NIPA1: variants seen among roughly 807,000 people sequenced by gnomAD.
NIPA1 encodes the protein magnesium transporter NIPA1.
NIPA1 carries 13 observed loss-of-function variants against 23.9 expected under a neutral mutation model. The observed-to-expected ratio is 0.54, with a 90% CI of 0.35 to 0.87. The LOEUF is 0.87. Ranked by LOEUF, NIPA1 falls within the 40% of genes least tolerant of loss-of-function variation. The pLI is 0.01. For missense variants in NIPA1, 362 were observed against 429.7 expected, an observed-to-expected ratio of 0.84 and a Z score of 1.39; for synonymous variants, 234 against 202.9, an observed-to-expected ratio of 1.15 and a Z score of -1.30.
At chr15:22,806,821 A>C (rs1310523501) in intron 1 of NIPA1, among the ~76,000 whole-genome samples, 1 of 152,172 alleles carries the variant, frequency 6.6e-6, no homozygotes, top group African/African-American at 2.4e-5. Flanking sequence ...AAAATGGAGC[A>C]GCCAACTCAG....
intron 3 of NIPA1, among the ~76,000 whole-genome samples, chr15:22,815,217 C>T (rs985885701): frequency 1.3e-5 from 2 of 152,168 alleles, no homozygotes; most frequent in African/African-American, 4.8e-5. Flanking sequence ...AACCACAGTA[C>T]AGTGATCAAT....
rs1024172289 is a variant in NIPA1 at position 22,826,098 on chromosome 15, G to A, written c.*1859G>A. On this transcript the variant is annotated 3_prime_UTR_variant, in exon 5 of 5. Coordinates refer to ENST00000337435, the MANE Select transcript of NIPA1 (RefSeq NM_144599.5). ...GTAAGAAAAAAAATGTGTTTTTGTA[G>A]GCAAAAAGAACATTTCTAAAGTCTC... 6.6e-6 allele frequency: 1 copy of A among 151,984 alleles called. No individual in the cohort carries two copies. The highest frequency in any genetic ancestry group is 2.4e-5 in the African/African-American group (1 of 41,384). 9.4% of individuals were successfully genotyped at this position (151,984 alleles called of 1,614,324 possible).
rs59940862 is a variant in NIPA1 at position 22,820,627 on chromosome 15, C to T, written c.478+154C>T. The stretch of plus-strand genomic sequence containing the variant: ...TAGATCTGTGTTCTCTGGGAACGTG[C>T]ATCAGTGGGCTGTGCTCGCAGGCTA... On this transcript the variant is annotated intron_variant, in intron 4 of 4. Transcript: ENST00000337435. Among the ~76,000 whole-genome samples the T allele has an allele frequency of 0.023, 3,525 of 152,316 alleles. 133 individuals are homozygous for T. Among genetic ancestry groups the T allele is most frequent in the African/African-American group, 0.081 (3,368 of 41,550 alleles).
At chr15:22,792,270 G>A (rs1231317987) in intron 1 of NIPA1, among the ~76,000 whole-genome samples, 2 of 152,226 alleles carry the variant, frequency 1.3e-5, no homozygotes, top group African/African-American at 2.4e-5. Flanking sequence ...GCGCAGGAGA[G>A]CTGCCATTGA....
In NIPA1 at chr15:22,798,835, C is replaced by CAAAAAA. The variant is rs1206327395; in HGVS notation, c.179-11892_179-11887dup. On this transcript the variant is annotated intron_variant, in intron 1 of 4. Transcript: ENST00000337435. ...TGGGCGACAGAGCGAGACTCCGTCT[C>CAAAAAA]AAAAAAAAAAAAAAAAAAAAAAAAA... Among the ~76,000 whole-genome samples, 10 of 73,094 alleles carry CAAAAAA rather than the reference C, an allele frequency of 1.4e-4. 3 individuals are homozygous for CAAAAAA. Among genetic ancestry groups the CAAAAAA allele is most frequent in the African/African-American group, 5.3e-4 (9 of 16,846 alleles). 48.0% of individuals were successfully genotyped at this position (73,094 alleles called of 152,430 possible).
intron 3 of NIPA1, chr15:22,813,785 G>C (rs546362284): frequency 6.7e-5 from 29 of 435,228 alleles, no homozygotes; most frequent in Middle Eastern, 3.4e-4. Flanking sequence ...CATTTTTCTC[G>C]TGAACACATA....
rs780462886 is a variant in NIPA1 at position 22,820,291 on chromosome 15, GA to G, written c.318-21del. 8.3e-6 allele frequency: 13 copies of G among 1,565,168 alleles called. No individual in the cohort carries two copies. In the African/African-American group the frequency reaches 1.8e-4, roughly 21 times the overall value. On this transcript the variant is annotated intron_variant, in intron 3 of 4. Transcript: ENST00000337435. ...CAGGTAGTTTGGTTTAAACTTTAAT[GA>G]TTTCTCTTTTTTCAATAAAGGTCCA... is the stretch of plus-strand genomic sequence containing the variant.
Position 22,786,785 on chromosome 15 carries a change from G to A in NIPA1, c.129G>A (p.Gly43=), listed in dbSNP as rs774429368. 1.3e-5 allele frequency: 17 copies of A among 1,315,212 alleles called. No individual in the cohort carries two copies. The highest frequency in any genetic ancestry group is 1.7e-5 in the Non-Finnish European group (17 of 1,010,750). 81.5% of individuals were successfully genotyped at this position (1,315,212 alleles called of 1,614,324 possible). ...GVAVVSSLVN[G]STFVLQKKGI... ...CCGTCGTGTCGAGCCTGGTGAACGG[G>A]TCCACGTTCGTGCTACAGAAGAAGG... The change falls in exon 1 of 5, where the codon GGG becomes GGA. Residue 43 remains glycine (G), a synonymous_variant. Transcript: ENST00000337435.
chr15:22,802,031 TATTACA>T (rs1186021947), intron 1 of NIPA1, among the ~76,000 whole-genome samples: 1 of 152,160 alleles, frequency 6.6e-6, no homozygotes, highest in African/African-American at 2.4e-5. Context: ...CAAGAAACTT[TATTACA>T]GTGGTTAGTT....
chr15:22,797,785 C>T (rs1015757463), intron 1 of NIPA1, among the ~76,000 whole-genome samples: 5 of 146,370 alleles, frequency 3.4e-5, no homozygotes, highest in Non-Finnish European at 5.9e-5. Context: ...TTACAGCAGG[C>T]GTGAGCCACC....
intron 1 of NIPA1, among the ~76,000 whole-genome samples, chr15:22,796,731 G>T (rs1321074955): frequency 1.3e-5 from 2 of 152,180 alleles, no homozygotes; most frequent in Non-Finnish European, 2.9e-5. Flanking sequence ...GCAGCCAGGA[G>T]CCTGTGAATG....
intron 1 of NIPA1, among the ~76,000 whole-genome samples, chr15:22,804,077 A>T (rs1895146948): frequency 1.3e-5 from 2 of 151,180 alleles, no homozygotes; most frequent in South Asian, 2.1e-4. Flanking sequence ...CCCTAGTTCG[A>T]GCGATTCTCC....
chr15:22,786,771 A>G lies in NIPA1; in HGVS notation c.115A>G (p.Ser39Gly). ...SLGLGVAVVSSLVNGSTFVLQ... is the reference protein window; with the variant it reads ...SLGLGVAVVSGLVNGSTFVLQ... ...CGGCCTGGGCGTGGCCGTCGTGTCGAGCCTGGTGAACGGGTCCACGTTCGT... is the reference window on the plus strand; with the variant it reads ...CGGCCTGGGCGTGGCCGTCGTGTCGGGCCTGGTGAACGGGTCCACGTTCGT... Residue 39 changes from serine (S) to glycine (G), a missense_variant, in exon 1 of 5, where the codon AGC (serine) becomes GGC (glycine). Around this residue, in one of 2 missense-constraint regions of NIPA1, gnomAD observed 85 missense variants for 57.7 expected, o/e 1.47. Transcript: ENST00000337435. The G allele has an allele frequency of 7.6e-7, 1 of 1,310,258 alleles. No homozygotes were observed. 81.2% of individuals were successfully genotyped at this position (1,310,258 alleles called of 1,614,324 possible).
intron 1 of NIPA1, among the ~76,000 whole-genome samples, chr15:22,789,604 G>A (rs891980336): frequency 2.0e-5 from 3 of 152,150 alleles, no homozygotes; most frequent in Non-Finnish European, 2.9e-5. Flanking sequence ...AGCACCTCCC[G>A]CCGAAGAAGG....
In NIPA1 at chr15:22,824,375, G is replaced by T. The variant is rs1214016302; in HGVS notation, c.*136G>T. On this transcript the variant is annotated 3_prime_UTR_variant, in exon 5 of 5. Transcript: ENST00000337435. This position sits in a 1 kb window ranked among gnomAD's most constrained non-coding sequence, Gnocchi z 4.1. ...ATAGTAACAGGTGGTCTGGTGGATA[G>T]CGGGGAGCATGGCTCAGCACCAGAG... The T allele has an allele frequency of 2.4e-6, 2 of 841,930 alleles. No homozygotes were observed. Among genetic ancestry groups the T allele is most frequent in the Non-Finnish European group, 4.0e-6 (2 of 505,748 alleles). The allele number at this position is 841,930 out of a possible 1,614,324, so 52.2% of individuals were successfully genotyped here.
intron 2 of NIPA1, among the ~76,000 whole-genome samples, 162 bp from the exon 3 acceptor site, chr15:22,812,001 C>G (rs1485985354): frequency 6.6e-6 from 1 of 152,214 alleles, no homozygotes; most frequent in East Asian, 1.9e-4. Flanking sequence ...GTTCCTGACC[C>G]CTGACCCCTT....
chr15:22,810,326 CTTGT>C (rs1319463701), intron 1 of NIPA1, among the ~76,000 whole-genome samples: 1 of 152,128 alleles, frequency 6.6e-6, no homozygotes, highest in African/African-American at 2.4e-5. Flanking sequence ...AATTGAGTGA[CTTGT>C]TTAAGCAGGA....
chr15:22,816,390 T>C (rs1280063685), intron 3 of NIPA1, among the ~76,000 whole-genome samples: 1 of 150,574 alleles, frequency 6.6e-6, no homozygotes, highest in African/African-American at 2.4e-5. Flanking sequence ...GGTTTCACCA[T>C]GTTAGCCAGG....
At position 22,820,416 on chromosome 15, in the gene NIPA1, C is replaced by G. The variant is rs1895512856; in HGVS notation, c.421C>G (p.Pro141Ala). 2 of 1,612,992 alleles carry G rather than the reference C, an allele frequency of 1.2e-6. No individual in the cohort carries two copies. Among genetic ancestry groups the G allele is most frequent in the Non-Finnish European group, 1.7e-6 (2 of 1,178,942 alleles). Residue 141 changes from proline to alanine, a missense_variant, in exon 4 of 5, where the codon CCA (proline) becomes GCA (alanine). Transcript: ENST00000337435. Reference sequence around the variant, plus strand: ...CTCCGTCGTGCTGATTATCCACTCCCCAAAGTCTGAGAGTGTGACAACTCA... The same window carrying G: ...CTCCGTCGTGCTGATTATCCACTCCGCAAAGTCTGAGAGTGTGACAACTCA... ...AGSVVLIIHSPKSESVTTQAE... is the reference protein window; with the variant it reads ...AGSVVLIIHSAKSESVTTQAE...
Sources: gnomAD v4.1 joint callset for allele counts (sites outside exome capture counted in the v4.1 genomes callset) on GRCh38, gnomAD v4.1.1 for gene constraint, gnomAD v4.1.1 regional missense constraint, Gnocchi (gnomAD v3.1) non-coding constraint, MANE v1.5 for transcripts, NCBI Gene and HGNC (gene_info 2026-07-23, HGNC 2026-07-21) for gene names.